The following LGALS7B variants were observed in gnomAD, a reference collection of about 807,000 sequenced individuals.
The protein encoded by LGALS7B is galectin 7B.
LGALS7B carries 1 observed loss-of-function variant against 7.6 expected under a neutral mutation model. That is an observed-to-expected ratio of 0.13 (90% CI 0.05 to 0.62). The LOEUF (loss-of-function observed/expected upper bound fraction) is 0.62, where lower values mean the gene tolerates loss of function less well. Among genes scored for constraint, LGALS7B ranks in the 20% least tolerant of loss-of-function variants. The probability of loss-of-function intolerance (pLI) is 0.87; values close to 1 mark genes in which losing one functional copy is unlikely to be tolerated. For missense variants in LGALS7B, 17 were observed against 109.4 expected (o/e 0.16, Z 3.77); for synonymous variants, 7 against 49.6 (o/e 0.14, Z 3.61).
At chr19:38,791,400 TA>T in intron 3 of LGALS7B, among the ~76,000 whole-genome samples, 179 bp from the exon 4 acceptor site, 1 of 149,188 alleles carries the variant, frequency 6.7e-6, no homozygotes, top group Non-Finnish European at 1.5e-5. Flanking sequence ...TTACCAGCAC[TA>T]AAAAAGCCGC....
chr19:38,789,355 C>A lies in LGALS7B; in HGVS notation c.6+123C>A, dbSNP rs1468547625. On this transcript the variant is annotated intron_variant, in intron 1 of 3. Transcript: ENST00000314980. ...GCCTGGGCTGTGGCCTCCGGGTAAC[C>A]CCCATCCCGACTGTCCCCTCTACCT... The A allele has an allele frequency of 8.8e-6, 3 of 340,598 alleles. No homozygotes were observed. In the African/African-American group the frequency reaches 1.0e-4, roughly 12 times the overall value. The allele number at this position is 340,598 out of a possible 1,614,324, so 21.1% of individuals were successfully genotyped here.
At position 38,789,251 on chromosome 19, in the gene LGALS7B, C is replaced by T. The variant is rs1334690812; in HGVS notation, c.6+19C>T. ...CATGTCCGTGAGTGCTCCAGGGGCC[C>T]GGGGCGGGGCCAAGCAGGGAGGGGG... is the stretch of plus-strand genomic sequence containing the variant. On this transcript the variant is annotated intron_variant, in intron 1 of 3. Transcript: ENST00000314980. 32 of 812,870 alleles carry T rather than the reference C, an allele frequency of 3.9e-5. No homozygotes were observed. In the Admixed American group the frequency reaches 7.0e-4, roughly 18 times the overall value. The allele number at this position is 812,870 out of a possible 1,614,324, so 50.4% of individuals were successfully genotyped here.
rs1453025518 is a variant in LGALS7B at position 38,789,257 on chromosome 19, G to T, written c.6+25G>T. The T allele has an allele frequency of 5.1e-6, 4 of 790,172 alleles. No homozygotes were observed. The South Asian group carries it at 9.3e-5, about 18-fold the overall frequency. The allele number at this position is 790,172 out of a possible 1,614,324, so 48.9% of individuals were successfully genotyped here. On this transcript the variant is annotated intron_variant, in intron 1 of 3. Transcript: ENST00000314980. ...CGTGAGTGCTCCAGGGGCCCGGGGCGGGGCCAAGCAGGGAGGGGGCTGGGG... is the reference window on the plus strand; with the variant it reads ...CGTGAGTGCTCCAGGGGCCCGGGGCTGGGCCAAGCAGGGAGGGGGCTGGGG...
intron 1 of LGALS7B, 28 bp downstream of exon 1, chr19:38,789,260 GC>G (rs1971246509): frequency 1.4e-6 from 1 of 734,840 alleles, no homozygotes; most frequent in Non-Finnish European, 1.9e-6. Context: ...CCGGGGCGGG[GC>G]CAAGCAGGGA....
intron 2 of LGALS7B, chr19:38,790,405 CTT>C (rs1187051955): frequency 1.7e-6 from 1 of 588,488 alleles, no homozygotes; most frequent in African/African-American, 1.9e-5. Flanking sequence ...CCCATAAGAC[CTT>C]CACTTTGGTC....
At chr19:38,789,375 C>A (rs1232300540) in intron 1 of LGALS7B, 143 bp downstream of exon 1, 1 of 315,902 alleles carries the variant, frequency 3.2e-6, no homozygotes, top group African/African-American at 4.0e-5. Flanking sequence ...ACTGTCCCCT[C>A]TACCTCTTTG....
At position 38,790,419 on chromosome 19, in the gene LGALS7B, G is replaced by C. The variant is rs901786084; in HGVS notation, c.96-270G>C. ...GCCCATAAGACCTTCACTTTGGTCT[G>C]GGCGGTTTATGTTTTGTTTGTTCTT... On this transcript the variant is annotated intron_variant, in intron 2 of 3. Coordinates refer to ENST00000314980, the MANE Select transcript of LGALS7B (RefSeq NM_001042507.4). 1.1e-3 allele frequency: 633 copies of C among 592,624 alleles called. 2 individuals carry two copies. The highest frequency in any genetic ancestry group is 2.7e-3 in the Admixed American group (90 of 32,954). 36.7% of individuals were successfully genotyped at this position (592,624 alleles called of 1,614,324 possible). A position where few individuals can be genotyped will look rare whatever the true frequency, so the allele number is the denominator to read the frequency against.
At position 38,789,215 on chromosome 19, in the gene LGALS7B, C is replaced by G. The variant is rs1386631860; in HGVS notation, c.-12C>G. 6 of 948,756 alleles carry G rather than the reference C, an allele frequency of 6.3e-6. No homozygotes were observed. Among genetic ancestry groups the G allele is most frequent in the Non-Finnish European group, 8.4e-6 (6 of 713,724 alleles). The allele number at this position is 948,756 out of a possible 1,614,324, so 58.8% of individuals were successfully genotyped here. A position where few individuals can be genotyped will look rare whatever the true frequency, so the allele number is the denominator to read the frequency against. On this transcript the variant is annotated 5_prime_UTR_variant, in exon 1 of 4. Coordinates refer to ENST00000314980, the MANE Select transcript of LGALS7B (RefSeq NM_001042507.4). ...GGCCCCACCACCACGGCTGCCCAAC[C>G]CGGTCCCAGCCATGTCCGTGAGTGC...
intron 3 of LGALS7B, 145 bp from the exon 4 acceptor site, chr19:38,791,435 C>T (rs1386855022): frequency 1.5e-6 from 1 of 689,440 alleles, no homozygotes; most frequent in Non-Finnish European, 2.4e-6. Flanking sequence ...ACACAGTCAA[C>T]TCGTTTGATC....
chr19:38,789,581 C>T (rs1401577044), intron 1 of LGALS7B, 35 bp from the exon 2 acceptor site: 2 of 12,766 alleles, frequency 1.6e-4, no homozygotes, highest in South Asian at 2.0e-3. Context: ...TCGGTCTCAC[C>T]GGCTCACAGT....
intron 2 of LGALS7B, among the ~76,000 whole-genome samples, chr19:38,790,326 C>A (rs1971252359): frequency 6.6e-6 from 1 of 152,224 alleles, no homozygotes; most frequent in South Asian, 2.1e-4. Context: ...CCCACCTCTC[C>A]TTCTGCGGTG....
At chr19:38,790,299 T>G (rs1456876888) in intron 2 of LGALS7B, among the ~76,000 whole-genome samples, 1 of 152,086 alleles carries the variant, frequency 6.6e-6, no homozygotes, top group Non-Finnish European at 1.5e-5. Context: ...GAATCTAAGC[T>G]CCCTGGTCAT....
At chr19:38,789,257 G>A (rs1453025518) in intron 1 of LGALS7B, 25 bp downstream of exon 1, 7 of 790,070 alleles carry the variant, frequency 8.9e-6, no homozygotes, top group Non-Finnish European at 1.1e-5. Flanking sequence ...GGCCCGGGGC[G>A]GGGCCAAGCA....
rs1445692035 is a variant in LGALS7B, at chr19:38,789,203, C to G, written c.-24C>G. ...AGGTCCCCAGCAGGCCCCACCACCA[C>G]GGCTGCCCAACCCGGTCCCAGCCAT... On this transcript the variant is annotated 5_prime_UTR_variant, in exon 1 of 4. Transcript: ENST00000314980. The G allele has an allele frequency of 1.2e-6, 1 of 841,632 alleles. No individual in the cohort carries two copies. Among genetic ancestry groups the G allele is most frequent in the East Asian group, 3.4e-5 (1 of 29,164 alleles). The allele number at this position is 841,632 out of a possible 1,614,324, so 52.1% of individuals were successfully genotyped here. A position where few individuals can be genotyped will look rare whatever the true frequency, so the allele number is the denominator to read the frequency against.
intron 2 of LGALS7B, among the ~76,000 whole-genome samples, chr19:38,790,277 T>C (rs1425013511): frequency 6.6e-6 from 1 of 151,924 alleles, no homozygotes; most frequent in Non-Finnish European, 1.5e-5. Context: ...CATGATATTT[T>C]GGCTGCCTTG....
intron 2 of LGALS7B, among the ~76,000 whole-genome samples, chr19:38,790,274 TTTTGGCTGC>T (rs1198346143): frequency 1.3e-5 from 2 of 151,852 alleles, no homozygotes; most frequent in African/African-American, 4.8e-5. Flanking sequence ...CCTCATGATA[TTTTGGCTGC>T]CTTGGGAATC....
Position 38,790,725 on chromosome 19 carries a change from C to G in LGALS7B, c.132C>G (p.Gly44=). The change falls in exon 3 of 4, where the codon GGC becomes GGG. Residue 44 remains glycine, a synonymous_variant. Coordinates refer to ENST00000314980, the MANE Select transcript of LGALS7B (RefSeq NM_001042507.4). The part of the protein sequence containing the change: ...HVNLLCGEEQ[G]SDAALHFNPR... The stretch of plus-strand genomic sequence containing the variant: ...ACCTGCTGTGCGGGGAGGAGCAGGG[C>G]TCCGATGCCGCCCTGCATTTCAACC... 1 of 1,612,576 alleles carries G rather than the reference C, an allele frequency of 6.2e-7. No homozygotes were observed. The highest frequency in any genetic ancestry group is 8.5e-7 in the Non-Finnish European group (1 of 1,179,636).
Position 38,789,410 on chromosome 19 carries a change from A to G in LGALS7B, c.6+178A>G, listed in dbSNP as rs1223784297. The stretch of plus-strand genomic sequence containing the variant: ...GTGGCTTCCTCTGGGGCCCTCTTTG[A>G]GGATCTTTCTGTTTGTCTTTGTTGC... On this transcript the variant is annotated intron_variant, in intron 1 of 3. Transcript: ENST00000314980. Among the ~76,000 whole-genome samples, 32 of 41,334 alleles carry G rather than the reference A, an allele frequency of 7.7e-4. 1 individual carries two copies. In the East Asian group the frequency reaches 0.01, roughly 13 times the overall value. The allele number at this position is 41,334 out of a possible 152,430, so 27.1% of individuals were successfully genotyped here.
intron 2 of LGALS7B, chr19:38,790,468 T>A (rs1261248236): frequency 1.6e-6 from 1 of 615,522 alleles, no homozygotes; most frequent in Non-Finnish European, 2.9e-6. Flanking sequence ...AGGTGGGGTC[T>A]CGCTATGTTG....
Sources: allele counts gnomAD v4.1 joint callset (sites outside exome capture counted in the v4.1 genomes callset), GRCh38; gene constraint gnomAD v4.1.1; transcripts MANE v1.5; gene names NCBI Gene and HGNC (gene_info 2026-07-23, HGNC 2026-07-21).